AACS: variants seen among roughly 807,000 people sequenced by gnomAD.
AACS encodes acetoacetate-CoA ligase.
A neutral mutation model predicts 83.1 loss-of-function variants in AACS; 69 were observed. The ratio of observed to expected loss-of-function variants is 0.83; its 90% CI spans 0.68 to 1.01. The LOEUF is 1.01. Ranked by LOEUF, AACS falls within the 50% of genes least tolerant of loss-of-function variation. The pLI is 0.00. For missense variants in AACS, 866 were observed against 882.2 expected (o/e 0.98, Z 0.23); for synonymous variants, 333 against 343.4 (o/e 0.97, Z 0.33).
In AACS at chr12:125,107,181, C is replaced by T. The variant is rs140471021; in HGVS notation, c.828C>T (p.Phe276=). The part of the protein sequence containing the change: ...GTSEQAPQLE[F]EQLPFSHPLF... ...GTGAGCAGGCCCCGCAGCTGGAGTT[C>T]GAGCAGCTGCCCTTCAGCCACCCAC... The change falls in exon 8 of 18, where the codon TTC becomes TTT. Residue 276 remains phenylalanine, a synonymous_variant. Coordinates refer to ENST00000316519, the MANE Select transcript of AACS (RefSeq NM_023928.5). 1.5e-3 allele frequency: 2,481 copies of T among 1,614,156 alleles called. 45 individuals carry two copies. In the Admixed American group the frequency reaches 0.032, roughly 21 times the overall value.
intron 1 of AACS, among the ~76,000 whole-genome samples, chr12:125,067,542 ATT>A (rs35230801): frequency 6.0e-4 from 89 of 148,326 alleles, no homozygotes; most frequent in South Asian, 6.4e-4. Flanking sequence ...GACTATCTGG[ATT>A]TTTTTTTTTT....
rs369804146 is a variant in AACS at position 125,071,807 on chromosome 12, G to A, written c.134-2069G>A. Among the ~76,000 whole-genome samples, 287 of 152,324 alleles carry A rather than the reference G, an allele frequency of 1.9e-3. 3 individuals are homozygous for A. Among genetic ancestry groups the A allele is most frequent in the African/African-American group, 6.4e-3 (268 of 41,588 alleles). On this transcript the variant is annotated intron_variant, in intron 1 of 17. Transcript: ENST00000316519. Reference sequence around the variant, plus strand: ...TCCTTCCAGATTCATGGGGCTGGCCGCGTCTGCCTTCCTTAGTGATGCTGT... The same window carrying A: ...TCCTTCCAGATTCATGGGGCTGGCCACGTCTGCCTTCCTTAGTGATGCTGT...
intron 4 of AACS, among the ~76,000 whole-genome samples, chr12:125,090,465 C>G (rs1956456322): frequency 6.6e-6 from 1 of 151,682 alleles, no homozygotes; most frequent in Admixed American, 6.5e-5. Context: ...ATCCATCCAA[C>G]TGTCTATACA....
chr12:125,090,455 A>G (rs941626249), intron 4 of AACS, among the ~76,000 whole-genome samples: 49 of 151,444 alleles, frequency 3.2e-4, no homozygotes, highest in Non-Finnish European at 5.3e-4. Context: ...CCATCCAACT[A>G]TCCATCCAAC....
rs369904608 is a variant in AACS, at chr12:125,134,816, G to A, written c.1642G>A (p.Gly548Arg). The A allele has an allele frequency of 2.5e-5, 41 of 1,614,156 alleles. No homozygotes were observed. In the South Asian group the frequency reaches 3.2e-4, roughly 13 times the overall value. The change falls in exon 16 of 18, where the codon GGG (glycine) becomes AGG (arginine). Residue 548 changes from glycine to arginine, a missense_variant. Physicochemically the swap from Gly to Arg is moderately radical, Grantham distance 125. Transcript: ENST00000316519. ...GRSDGTLNPNGVRFGSSEIYN... is the reference protein window; with the variant it reads ...GRSDGTLNPNRVRFGSSEIYN... ...CAGTGACGGCACCCTCAACCCCAAC[G>A]GGGTGCGGTTCGGCAGCTCGGAAAT...
intron 1 of AACS, among the ~76,000 whole-genome samples, chr12:125,067,989 C>G (rs1955751199): frequency 6.6e-6 from 1 of 152,190 alleles, no homozygotes; most frequent in South Asian, 2.1e-4. Flanking sequence ...GATGGTCAAG[C>G]CCAGTGCTCA....
intron 17 of AACS, chr12:125,139,828 A>G (rs1317076856): frequency 6.6e-6 from 1 of 151,914 alleles, no homozygotes; most frequent in Non-Finnish European, 1.5e-5. Context: ...TTGTGGGTCT[A>G]CCTCCTTTTC....
chr12:125,134,257 G>A (rs948467647), intron 15 of AACS, among the ~76,000 whole-genome samples, 185 bp downstream of exon 15: 10 of 152,168 alleles, frequency 6.6e-5, no homozygotes, highest in African/African-American at 9.7e-5. Flanking sequence ...AGCCCCCACC[G>A]GCTGGTGCGC....
In AACS at chr12:125,134,063, T is replaced by G; in HGVS notation, c.1610T>G (p.Leu537Arg). 6.2e-7 allele frequency: 1 copy of G among 1,614,076 alleles called. No individual in the cohort carries two copies. Among genetic ancestry groups the G allele is most frequent in the South Asian group, 1.1e-5 (1 of 91,068 alleles). The part of the protein sequence containing the change: ...INPKTGGIVM[L>R]GRSDGTLNPN... ...CCCAAGACCGGGGGCATCGTCATGCTTGGCCGGAGGTAAGGGCTGCAGAGT... is the reference window on the plus strand; with the variant it reads ...CCCAAGACCGGGGGCATCGTCATGCGTGGCCGGAGGTAAGGGCTGCAGAGT... Residue 537 changes from leucine to arginine, a missense_variant, in exon 15 of 18, where the codon CTT becomes CGT. Physicochemically the swap from Leu to Arg is moderately radical, Grantham distance 102. Coordinates refer to ENST00000316519, the MANE Select transcript of AACS (RefSeq NM_023928.5).
At chr12:125,087,023 C>T (rs190908250) in intron 4 of AACS, among the ~76,000 whole-genome samples, 109 of 152,156 alleles carry the variant, frequency 7.2e-4, no homozygotes, top group Admixed American at 1.6e-3. Flanking sequence ...GGCGTCTACA[C>T]GGGCATTAGG....
At chr12:125,139,639 C>T (rs1957451697) in intron 17 of AACS, 1 of 152,334 alleles carries the variant, frequency 6.6e-6, no homozygotes, top group African/African-American at 2.4e-5. Context: ...TTCCACACAC[C>T]TGATCTCAGT....
intron 9 of AACS, 102 bp downstream of exon 9, chr12:125,114,659 G>A (rs992777576): frequency 9.6e-6 from 9 of 933,134 alleles, no homozygotes; most frequent in African/African-American, 5.0e-5. Flanking sequence ...GCGCCGGCCC[G>A]TGGCACATGG....
At chr12:125,066,450 A>AT (rs34299644) in intron 1 of AACS, among the ~76,000 whole-genome samples, 59,156 of 106,878 alleles carry the variant, frequency 0.55, 17,640 homozygotes, top group South Asian at 0.7. Flanking sequence ...TTCCTAGGGG[A>AT]TTTTTTTTTT....
At chr12:125,100,094 C>T (rs1956684138) in intron 5 of AACS, among the ~76,000 whole-genome samples, 1 of 152,218 alleles carries the variant, frequency 6.6e-6, no homozygotes. Flanking sequence ...CAGTTCACTG[C>T]AGCCTCGAGC....
chr12:125,067,764 C>A (rs1017505325), intron 1 of AACS, among the ~76,000 whole-genome samples: 1 of 152,128 alleles, frequency 6.6e-6, no homozygotes, highest in South Asian at 2.1e-4. Flanking sequence ...GAACTCCTGA[C>A]CTCAGGTGAT....
chr12:125,083,463 T>A (rs1956251869), intron 3 of AACS, among the ~76,000 whole-genome samples: 1 of 152,212 alleles, frequency 6.6e-6, no homozygotes, highest in African/African-American at 2.4e-5. Context: ...ACACTGTCCC[T>A]TCCCATTTGT....
chr12:125,124,323 C>T, intron 10 of AACS: 1 of 185,898 alleles, frequency 5.4e-6, no homozygotes, highest in Non-Finnish European at 1.1e-5. Flanking sequence ...ATTCTGTAGC[C>T]TTCTCTTCAT....
chr12:125,095,713 G>T (rs1051004337), intron 5 of AACS, among the ~76,000 whole-genome samples: 2 of 152,190 alleles, frequency 1.3e-5, no homozygotes, highest in Non-Finnish European at 2.9e-5. Flanking sequence ...GCGGCTTTCT[G>T]GGTTTCCTCC....
In AACS at chr12:125,073,907, T is replaced by C; in HGVS notation, c.165T>C (p.Val55=). The C allele has an allele frequency of 6.2e-7, 1 of 1,614,130 alleles. No homozygotes were observed. Among genetic ancestry groups the C allele is most frequent in the Non-Finnish European group, 8.5e-7 (1 of 1,179,966 alleles). The change falls in exon 2 of 18, where the codon GTT becomes GTC. Residue 55 remains valine, a synonymous_variant. Coordinates refer to ENST00000316519, the MANE Select transcript of AACS (RefSeq NM_023928.5). ...ESYDDLYHWS[V]ESYSDFWAEF... is the part of the protein sequence containing the mutation. Reference sequence around the variant, plus strand: ...ATGATGACTTGTACCATTGGTCCGTTGAGTCATATTCAGACTTCTGGGCAG... The same window carrying C: ...ATGATGACTTGTACCATTGGTCCGTCGAGTCATATTCAGACTTCTGGGCAG...
Sources: allele counts gnomAD v4.1 joint callset (sites outside exome capture counted in the v4.1 genomes callset), GRCh38; gene constraint gnomAD v4.1.1; transcripts MANE v1.5; gene names NCBI Gene and HGNC (gene_info 2026-07-23, HGNC 2026-07-21).